The following ZNF737 variants were observed in gnomAD, a reference collection of about 807,000 sequenced individuals.
ZNF737 encodes zinc finger protein 737.
Under a neutral mutation model 11.7 loss-of-function variants are expected in ZNF737, and 13 were observed. The ratio of observed to expected loss-of-function variants is 1.11; its 90% confidence interval spans 0.73 to 1.77. The LOEUF is 1.77. Ranked by LOEUF, ZNF737 falls within the 40% of genes most tolerant of loss-of-function variation. The pLI, the probability that ZNF737 is intolerant of heterozygous loss-of-function variation, is 0.00. For synonymous variants in ZNF737, 217 were observed against 216.2 expected, an observed-to-expected ratio of 1.00 and a Z score of -0.03; for missense variants, 636 against 638.0, an observed-to-expected ratio of 1.00 and a Z score of 0.03.
chr19:20,545,781 T>G lies in ZNF737; in HGVS notation c.422A>C (p.Gln141Pro). 1 of 1,613,064 alleles carries G rather than the reference T, an allele frequency of 6.2e-7. No individual in the cohort carries two copies. The highest frequency in any genetic ancestry group is 8.5e-7 in the Non-Finnish European group (1 of 1,179,638). The change falls in exon 4 of 4, where the codon CAA becomes CCA. Residue 141 changes from glutamine to proline, a missense_variant. By Grantham distance (76) the Gln-to-Pro change is moderately conservative (BLOSUM62 -1). Coordinates refer to ENST00000427401, the MANE Select transcript of ZNF737 (RefSeq NM_001159293.2). ...TTTATCACACTGAAATATTTTGCTT[T>G]GAGTAGTTGTCAAATATTGGTTAAG... Reference protein sequence around the residue: ...NGLNQYLTTTQSKIFQCDKYV... With the variant: ...NGLNQYLTTTPSKIFQCDKYV...
At chr19:20,550,046 A>G (rs1473739570) in intron 3 of ZNF737, among the ~76,000 whole-genome samples, 1 of 152,150 alleles carries the variant, frequency 6.6e-6, no homozygotes, top group Non-Finnish European at 1.5e-5. Context: ...AATTTCAGAG[A>G]TTATGCAGTA....
chr19:20,564,660 A>AAT (rs1555763360), intron 1 of ZNF737, among the ~76,000 whole-genome samples: 1 of 151,974 alleles, frequency 6.6e-6, no homozygotes, highest in African/African-American at 2.4e-5. Context: ...CAAAAAAAAA[A>AAT]AAATAAAAAT....
At chr19:20,552,354 C>T (rs1454952307) in intron 3 of ZNF737, 121 bp downstream of exon 3, 8 of 572,324 alleles carry the variant, frequency 1.4e-5, no homozygotes, top group Non-Finnish European at 1.9e-5. Flanking sequence ...AAAAACAGCT[C>T]CCAGGAACTA....
At chr19:20,559,160 A>G (rs1338574755) in intron 1 of ZNF737, among the ~76,000 whole-genome samples, 2 of 152,256 alleles carry the variant, frequency 1.3e-5, no homozygotes, top group African/African-American at 4.8e-5. Context: ...CAACTGCAAC[A>G]GAAGCAAAAA....
At chr19:20,532,748 C>G (rs1444817482), downstream of ZNF737, among the ~76,000 whole-genome samples, 1 of 149,972 alleles carries the variant, frequency 6.7e-6, no homozygotes, top group African/African-American at 2.5e-5. Flanking sequence ...GTGGGCTGAG[C>G]CTTCCTCACA....
intron 1 of ZNF737, among the ~76,000 whole-genome samples, chr19:20,560,827 A>G (rs1555762262): frequency 6.6e-6 from 1 of 152,214 alleles, no homozygotes; most frequent in African/African-American, 2.4e-5. Flanking sequence ...GAAACAGAAA[A>G]CCAAATGCAT....
intron 3 of ZNF737, 127 bp downstream of exon 3, chr19:20,552,348 A>G (rs1215050705): frequency 3.8e-6 from 2 of 530,108 alleles, no homozygotes; most frequent in Non-Finnish European, 6.0e-6. Flanking sequence ...AAAAAAAAAA[A>G]CAGCTCCCAG....
rs1438671374 is a variant in ZNF737, at chr19:20,544,021, A to C, written c.*571T>G. ...AGGACACCTGTAATCCCAGCTACTC[A>C]GGAAGCTGAGGTAGGAGAATGGCTT... On this transcript the variant is annotated 3_prime_UTR_variant, in exon 4 of 4. Transcript: ENST00000427401. 4 of 657,132 alleles carry C rather than the reference A, an allele frequency of 6.1e-6. No homozygotes were observed. Among genetic ancestry groups the C allele is most frequent in the Non-Finnish European group, 7.5e-6 (4 of 530,704 alleles). The allele number at this position is 657,132 out of a possible 1,614,324, so 40.7% of individuals were successfully genotyped here.
intron 1 of ZNF737, among the ~76,000 whole-genome samples, chr19:20,557,374 A>C (rs1489066272): frequency 6.6e-6 from 1 of 152,036 alleles, no homozygotes; most frequent in Non-Finnish European, 1.5e-5. Context: ...TAAGGCCTCC[A>C]AAAAGGGTGA....
At position 20,544,603 on chromosome 19, in the gene ZNF737, C is replaced by T. The variant is rs782216029; in HGVS notation, c.1600G>A (p.Glu534Lys). 1 of 1,601,136 alleles carries T rather than the reference C, an allele frequency of 6.2e-7. No homozygotes were observed. The highest frequency in any genetic ancestry group is 8.5e-7 in the Non-Finnish European group (1 of 1,174,834). ...CACATTCCTCACATTTATAGTTTCT[C>T]TCCAGTATGAATTACCTTATGTGTA... ...LTTHKVIHTG[E>K]KL Residue 534 changes from glutamate to lysine, a missense_variant, in exon 4 of 4, where the codon GAG (glutamate) becomes AAG (lysine). Coordinates refer to ENST00000427401, the MANE Select transcript of ZNF737 (RefSeq NM_001159293.2).
Position 20,538,577 on chromosome 19 carries a change from G to A in ZNF737, c.*6015C>T. 1.1e-6 allele frequency: 1 copy of A among 932,726 alleles called. No homozygotes were observed. The highest frequency in any genetic ancestry group is 1.3e-6 in the Non-Finnish European group (1 of 781,880). 57.8% of individuals were successfully genotyped at this position (932,726 alleles called of 1,614,324 possible). On this transcript the variant is annotated 3_prime_UTR_variant, in exon 4 of 4. Coordinates refer to ENST00000427401, the MANE Select transcript of ZNF737 (RefSeq NM_001159293.2). ...TTCTGCAAAAAGTAAAAATGGCCTT[G>A]CTAAGAAAAATTAAATTTATTTTCA...
chr19:20,540,399 C>T lies in ZNF737; in HGVS notation c.*4193G>A, dbSNP rs1018343374. ...CTCAAGAGGAAAGTATGACACAGCA[C>T]GTGTGCAACAGACTGGTAATCCAGG... On this transcript the variant is annotated 3_prime_UTR_variant, in exon 4 of 4. Coordinates refer to ENST00000427401, the MANE Select transcript of ZNF737 (RefSeq NM_001159293.2). Among the ~76,000 whole-genome samples, 3 of 152,248 alleles carry T rather than the reference C, an allele frequency of 2.0e-5. No individual in the cohort carries two copies. The highest frequency in any genetic ancestry group is 2.9e-5 in the Non-Finnish European group (2 of 68,016).
In ZNF737 at chr19:20,541,787, CAATTT is replaced by C. The variant is rs566249641; in HGVS notation, c.*2800_*2804del. ...ATAGAAATAATTCTGTAGTCAATAA[CAATTT>C]AATTGTACATTTTAAAATGAATAAA... On this transcript the variant is annotated 3_prime_UTR_variant, in exon 4 of 4. Coordinates refer to ENST00000427401, the MANE Select transcript of ZNF737 (RefSeq NM_001159293.2). 4.1e-4 allele frequency among the ~76,000 whole-genome samples: 62 copies of C among 152,208 alleles called. 1 individual carries two copies. The highest frequency in any genetic ancestry group is 1.2e-3 in the African/African-American group (49 of 41,530).
chr19:20,536,178 T>A, downstream of ZNF737: 1 of 747,648 alleles, frequency 1.3e-6, no homozygotes, highest in Non-Finnish European at 1.6e-6. Context: ...TATGCATCAG[T>A]AACCCTTCTA....
rs1968175530 is a variant in ZNF737 at position 20,540,867 on chromosome 19, T to C, written c.*3725A>G. On this transcript the variant is annotated 3_prime_UTR_variant, in exon 4 of 4. Transcript: ENST00000427401. ...TAGTTTTATTCATTACAAATAACTA[T>C]TTTTCTGGCTTAAATTATTTTTTAT... The C allele has an allele frequency of 1.1e-6, 1 of 948,150 alleles. No homozygotes were observed. The highest frequency in any genetic ancestry group is 1.3e-6 in the Non-Finnish European group (1 of 798,028). 58.7% of individuals were successfully genotyped at this position (948,150 alleles called of 1,614,324 possible).
intron 3 of ZNF737, among the ~76,000 whole-genome samples, chr19:20,547,506 G>T (rs1968500016): frequency 6.6e-6 from 1 of 151,774 alleles, no homozygotes; most frequent in Non-Finnish European, 1.5e-5. Context: ...ATGATCAGAT[G>T]ATCTTCCACA....
chr19:20,560,244 A>G (rs12710120), intron 1 of ZNF737, among the ~76,000 whole-genome samples: 114,362 of 150,064 alleles, frequency 0.76, 43,693 homozygotes, highest in East Asian at 0.82. Context: ...CTACTTGGGA[A>G]CATGAGGTAG....
chr19:20,553,266 T>C (rs1180181419), intron 2 of ZNF737, among the ~76,000 whole-genome samples: 2 of 152,132 alleles, frequency 1.3e-5, no homozygotes, highest in African/African-American at 2.4e-5. Flanking sequence ...CTTTTCTTTT[T>C]TTTTCCCCTT....
Position 20,545,912 on chromosome 19 carries a change from T to C in ZNF737, c.291A>G (p.Lys97=), listed in dbSNP as rs781853003. The change falls in exon 4 of 4, where the codon AAA becomes AAG. Residue 97 remains lysine, a synonymous_variant. Coordinates refer to ENST00000427401, the MANE Select transcript of ZNF737 (RefSeq NM_001159293.2). Reference sequence around the variant, plus strand: ...AGTTTTCATATCTTCTCAGTGTCACTTTTTGGAAAGAATCTTTTATGCTCT... The same window carrying C: ...AGTTTTCATATCTTCTCAGTGTCACCTTTTGGAAAGAATCTTTTATGCTCT... ...PEQSIKDSFQ[K]VTLRRYENYG... The C allele has an allele frequency of 3.1e-6, 5 of 1,597,270 alleles. No individual in the cohort carries two copies. Among genetic ancestry groups the C allele is most frequent in the Non-Finnish European group, 4.3e-6 (5 of 1,174,820 alleles).
Sources: gnomAD v4.1 joint callset for allele counts (sites outside exome capture counted in the v4.1 genomes callset) on GRCh38, gnomAD v4.1.1 for gene constraint, MANE v1.5 for transcripts, NCBI Gene and HGNC (gene_info 2026-07-23, HGNC 2026-07-21) for gene names.